The following SECISBP2 variants were observed in gnomAD, a reference collection of about 807,000 sequenced individuals.
SECISBP2 encodes the protein SECIS binding protein 2, also known as selenocysteine insertion sequence-binding protein 2.
In SECISBP2, 96 loss-of-function variants were observed where a neutral mutation model predicts 98.2. That is an observed-to-expected ratio of 0.98 (90% CI 0.83 to 1.16). The LOEUF (loss-of-function observed/expected upper bound fraction) is 1.16, where lower values mean the gene tolerates loss of function less well. SECISBP2 is among the 50% of genes most tolerant of loss of function. The pLI, the probability that SECISBP2 is intolerant of heterozygous loss-of-function variation, is 0.00. For synonymous variants in SECISBP2, 407 were observed against 370.2 expected (o/e 1.10, Z -1.14); for missense variants, 1,046 against 1,022.9 (o/e 1.02, Z -0.31).
At chr9:89,343,314 ACT>A (rs753956473) in intron 10 of SECISBP2, among the ~76,000 whole-genome samples, 50 of 151,878 alleles carry the variant, frequency 3.3e-4, no homozygotes, top group Non-Finnish European at 6.6e-4. Flanking sequence ...ATTTCAAAAA[ACT>A]CTACTTTTTT....
chr9:89,357,306 A>G, intron 14 of SECISBP2, 105 bp from the exon 15 acceptor site: 1 of 1,259,448 alleles, frequency 7.9e-7, no homozygotes, highest in South Asian at 1.2e-5. Flanking sequence ...TTGGATATAA[A>G]ATCATAGATG....
In SECISBP2 at chr9:89,347,052, T is replaced by C. The variant is rs1238572391; in HGVS notation, c.1602+4T>C. ...GAAGCCAACCTCACTGAAGAAGGTATGTGGGGTGTTTCAGCCGAAGTGAGG... is the reference window on the plus strand; with the variant it reads ...GAAGCCAACCTCACTGAAGAAGGTACGTGGGGTGTTTCAGCCGAAGTGAGG... On this transcript the variant is annotated splice_donor_region_variant and intron_variant, in intron 11 of 16. Coordinates refer to ENST00000375807, the MANE Select transcript of SECISBP2 (RefSeq NM_024077.5). The C allele has an allele frequency of 1.2e-6, 2 of 1,613,510 alleles. No individual in the cohort carries two copies. Among genetic ancestry groups the C allele is most frequent in the Admixed American group, 1.7e-5 (1 of 59,956 alleles).
downstream of SECISBP2, chr9:89,362,493 C>G (rs1832848678): frequency 6.2e-7 from 1 of 1,613,726 alleles, no homozygotes. Flanking sequence ...CTCTGCAGCC[C>G]AGTCTGTCTC....
intron 10 of SECISBP2, among the ~76,000 whole-genome samples, chr9:89,346,030 A>G (rs1830370768): frequency 6.6e-6 from 1 of 152,204 alleles, no homozygotes; most frequent in African/African-American, 2.4e-5. Flanking sequence ...TTGACAAAGC[A>G]CCAATTATTT....
chr9:89,340,000 T>C, intron 9 of SECISBP2, 47 bp downstream of exon 9: 1 of 1,344,370 alleles, frequency 7.4e-7, no homozygotes, highest in South Asian at 1.2e-5. Context: ...TTAACTCTTC[T>C]GGCTCAACTA....
chr9:89,363,700 T>C (rs1320389343), downstream of SECISBP2: 17 of 1,598,912 alleles, frequency 1.1e-5, no homozygotes, highest in Non-Finnish European at 1.5e-5. Flanking sequence ...AGTGAAAAAT[T>C]ACCTCATAAA....
chr9:89,354,571 T>C (rs1458270321), intron 14 of SECISBP2, among the ~76,000 whole-genome samples: 1 of 152,084 alleles, frequency 6.6e-6, no homozygotes, highest in Non-Finnish European at 1.5e-5. Flanking sequence ...AGTTCCAGAC[T>C]CCAGAAGGAA....
At chr9:89,323,140 A>G (rs1826094854) in intron 2 of SECISBP2, 1 of 152,228 alleles carries the variant, frequency 6.6e-6, no homozygotes, top group South Asian at 2.1e-4. Flanking sequence ...TTGTAGGATC[A>G]TACATGAGAA....
intron 2 of SECISBP2, chr9:89,322,138 A>G (rs1033776007): frequency 6.6e-6 from 1 of 152,250 alleles, no homozygotes; most frequent in African/African-American, 2.4e-5. Flanking sequence ...TAATTATTGA[A>G]AGTCTTCCAT....
At chr9:89,340,286 G>T (rs1242663437) in intron 9 of SECISBP2, among the ~76,000 whole-genome samples, 1 of 152,146 alleles carries the variant, frequency 6.6e-6, no homozygotes, top group Non-Finnish European at 1.5e-5. Flanking sequence ...TTGGGAAACG[G>T]AAGAATTTTT....
At position 89,318,530 on chromosome 9, in the gene SECISBP2, G is replaced by A. The variant is rs141853383; in HGVS notation, c.-47G>A. 5 of 1,513,166 alleles carry A rather than the reference G, an allele frequency of 3.3e-6. No homozygotes were observed. The Admixed American group carries it at 6.1e-5, about 18-fold the overall frequency. 93.7% of individuals were successfully genotyped at this position (1,513,166 alleles called of 1,614,324 possible). ...CGCTTTGTCTGTCCGGCAAGCCGAC[G>A]GCCCGCTGCTGGCCTCCGTGACGCG... On this transcript the variant is annotated 5_prime_UTR_variant, in exon 1 of 17. Coordinates refer to ENST00000375807, the MANE Select transcript of SECISBP2 (RefSeq NM_024077.5).
Position 89,325,516 on chromosome 9 carries a change from C to G in SECISBP2, c.272C>G (p.Ala91Gly). The stretch of plus-strand genomic sequence containing the variant: ...TCTGAGATAACTCTTCATCCATATG[C>G]CTATTCTCCTTATACCCTTGACTCC... ...LSSEITLHPY[A>G]YSPYTLDSTQ... The change falls in exon 3 of 17, where the codon GCC becomes GGC. Residue 91 changes from alanine to glycine, a missense_variant. Physicochemically the swap from Ala to Gly is moderately conservative, Grantham distance 60. Transcript: ENST00000375807. The G allele has an allele frequency of 6.2e-7, 1 of 1,613,826 alleles. No homozygotes were observed. Among genetic ancestry groups the G allele is most frequent in the Non-Finnish European group, 8.5e-7 (1 of 1,179,894 alleles).
chr9:89,338,569 C>T lies in SECISBP2; in HGVS notation c.1201C>T (p.Pro401Ser). 2 of 1,612,082 alleles carry T rather than the reference C, an allele frequency of 1.2e-6. No individual in the cohort carries two copies. The highest frequency in any genetic ancestry group is 1.7e-6 in the Non-Finnish European group (2 of 1,179,496). The change falls in exon 8 of 17, where the codon CCA becomes TCA. Residue 401 changes from proline (P) to serine (S), a missense_variant. Coordinates refer to ENST00000375807, the MANE Select transcript of SECISBP2 (RefSeq NM_024077.5). ...TGAAGTCCTGACAGTTCAAGAGCCTCCAAGGATTGAAGTACATTTATATTT... is the reference window on the plus strand; with the variant it reads ...TGAAGTCCTGACAGTTCAAGAGCCTTCAAGGATTGAAGTACATTTATATTT... Reference protein sequence around the residue: ...KYEVLTVQEPPRIEDAEEFPN... With the variant: ...KYEVLTVQEPSRIEDAEEFPN...
chr9:89,329,404 C>G (rs768831578), intron 5 of SECISBP2: 1 of 162,698 alleles, frequency 6.1e-6, no homozygotes, highest in African/African-American at 2.4e-5. Flanking sequence ...GCGTGAGCCA[C>G]CCACGCCACT....
chr9:89,359,261 A>G lies in SECISBP2; in HGVS notation c.*437A>G, dbSNP rs1188205470. ...CTGCCCGGCAACAGCACCGTCCTGC[A>G]GGGAGCCACTTGGCAGAAGGGTGCA... is the stretch of plus-strand genomic sequence containing the variant. On this transcript the variant is annotated 3_prime_UTR_variant, in exon 17 of 17. Transcript: ENST00000375807. The G allele has an allele frequency of 3.6e-6, 1 of 275,484 alleles. No homozygotes were observed. The highest frequency in any genetic ancestry group is 7.0e-6 in the Non-Finnish European group (1 of 141,922). 17.1% of individuals were successfully genotyped at this position (275,484 alleles called of 1,614,324 possible). A position where few individuals can be genotyped will look rare whatever the true frequency, so the allele number is the denominator to read the frequency against.
chr9:89,351,750 G>A (rs960934437), intron 14 of SECISBP2, among the ~76,000 whole-genome samples: 1 of 152,162 alleles, frequency 6.6e-6, no homozygotes, highest in Non-Finnish European at 1.5e-5. Flanking sequence ...AACTTGGTAC[G>A]GGTCCAGCAT....
intron 6 of SECISBP2, chr9:89,334,281 TA>T (rs1828258286): frequency 9.6e-7 from 1 of 1,044,820 alleles, no homozygotes; most frequent in Non-Finnish European, 1.3e-6. Context: ...ACCCCCAGGT[TA>T]AAAAACCAGT....
intron 7 of SECISBP2, among the ~76,000 whole-genome samples, chr9:89,336,105 T>C (rs1828654242): frequency 7.0e-6 from 1 of 143,516 alleles, no homozygotes; most frequent in Non-Finnish European, 1.5e-5. Flanking sequence ...TTTTTTTTTT[T>C]TTTCACTGCA....
intron 7 of SECISBP2, among the ~76,000 whole-genome samples, chr9:89,335,957 A>G (rs1426667723): frequency 6.6e-6 from 1 of 152,100 alleles, no homozygotes; most frequent in Non-Finnish European, 1.5e-5. Context: ...TAGTAGCAAA[A>G]TAATTGAATT....
Sources: gnomAD v4.1 joint callset for allele counts (sites outside exome capture counted in the v4.1 genomes callset) on GRCh38, gnomAD v4.1.1 for gene constraint, MANE v1.5 for transcripts, NCBI Gene and HGNC (gene_info 2026-07-23, HGNC 2026-07-21) for gene names.